The following ATP8A2 variants were observed in gnomAD, a reference collection of about 807,000 sequenced individuals.
ATP8A2 encodes phospholipid-transporting ATPase IB.
In ATP8A2, 100 loss-of-function variants were observed where a neutral mutation model predicts 165.6. The observed-to-expected ratio is 0.60, with a 90% CI of 0.51 to 0.71. The LOEUF (loss-of-function observed/expected upper bound fraction) is 0.71. Among genes scored for constraint, ATP8A2 ranks in the 30% least tolerant of loss-of-function variants. ATP8A2 has a pLI of 0.00. For synonymous variants in ATP8A2, 543 were observed against 548.8 expected, an observed-to-expected ratio of 0.99 and a Z score of 0.15; for missense variants, 1,227 against 1,479.5, an observed-to-expected ratio of 0.83 and a Z score of 2.80.
intron 2 of ATP8A2, among the ~76,000 whole-genome samples, chr13:25,526,497 C>A (rs1483871413): frequency 1.3e-5 from 2 of 152,114 alleles, no homozygotes; most frequent in Non-Finnish European, 2.9e-5. Flanking sequence ...CTTTCTTTTC[C>A]CATTAGGTCA....
intron 33 of ATP8A2, among the ~76,000 whole-genome samples, chr13:25,952,569 T>G (rs191862285): frequency 1.1e-3 from 163 of 152,128 alleles, no homozygotes; most frequent in Non-Finnish European, 1.8e-3. Flanking sequence ...AGAAACAGGG[T>G]CTCACGATGT....
intron 24 of ATP8A2, among the ~76,000 whole-genome samples, chr13:25,614,497 C>T (rs1371837807): frequency 1.3e-5 from 2 of 152,094 alleles, no homozygotes; most frequent in Non-Finnish European, 2.9e-5. Flanking sequence ...AAGCAACCTT[C>T]TGAAGGTTGA....
At chr13:25,480,867 T>C (rs1475465966) in intron 2 of ATP8A2, among the ~76,000 whole-genome samples, 4 of 151,226 alleles carry the variant, frequency 2.6e-5, no homozygotes, top group Non-Finnish European at 5.9e-5. Flanking sequence ...CTGGGCACCA[T>C]TGAGCACTGA....
Position 26,012,569 on chromosome 13 carries a change from G to C in ATP8A2, c.3416G>C (p.Arg1139Pro). 6.5e-7 allele frequency: 1 copy of C among 1,532,370 alleles called. No individual in the cohort carries two copies. Among genetic ancestry groups the C allele is most frequent in the East Asian group, 2.6e-5 (1 of 38,998 alleles). 94.9% of individuals were successfully genotyped at this position (1,532,370 alleles called of 1,614,324 possible). The change falls in exon 36 of 37, where the codon CGG becomes CCG. Residue 1139 changes from arginine to proline, a missense_variant. Physicochemically the swap from Arg to Pro is moderately radical, Grantham distance 103 (BLOSUM62 -2). This residue lies in a region of ATP8A2 where 260 missense variants were observed against 245.1 expected (regional missense o/e 1.06). Coordinates refer to ENST00000381655, the MANE Select transcript of ATP8A2 (RefSeq NM_016529.6). Reference sequence around the variant, plus strand: ...GACCGCCTGATCAAGAGGCTGGGCCGGAAGACGCCCCCGACGCTGTTCCGG... The same window carrying C: ...GACCGCCTGATCAAGAGGCTGGGCCCGAAGACGCCCCCGACGCTGTTCCGG... ...ERDRLIKRLGRKTPPTLFRGS... is the reference protein window; with the variant it reads ...ERDRLIKRLGPKTPPTLFRGS...
chr13:25,554,047 C>G (rs2038903913), intron 12 of ATP8A2, 127 bp downstream of exon 12: 2 of 1,033,750 alleles, frequency 1.9e-6, no homozygotes, highest in Non-Finnish European at 2.8e-6. Context: ...TTAAACTGGC[C>G]ATACAAAGAA....
Position 25,691,748 on chromosome 13 carries a change from A to C in ATP8A2, c.2212-7425A>C, listed in dbSNP as rs182480789. ...GGACTTTAAATTTAGGGATATTCCT[A>C]GATTGGAAGAAGGCAATATTCAGAG... On this transcript the variant is annotated intron_variant, in intron 24 of 36. Transcript: ENST00000381655. Among the ~76,000 whole-genome samples, 40 of 152,344 alleles carry C rather than the reference A, an allele frequency of 2.6e-4. No individual in the cohort carries two copies. In the East Asian group the frequency reaches 7.5e-3, roughly 29 times the overall value.
At chr13:25,961,749 G>A in intron 34 of ATP8A2, 86 bp downstream of exon 34, 4 of 1,028,410 alleles carry the variant, frequency 3.9e-6, no homozygotes, top group South Asian at 1.4e-5. Flanking sequence ...TACAGGGTAT[G>A]AGAATGACAG....
At chr13:25,889,737 C>A (rs1164245921) in intron 33 of ATP8A2, among the ~76,000 whole-genome samples, 1 of 152,110 alleles carries the variant, frequency 6.6e-6, no homozygotes, top group Non-Finnish European at 1.5e-5. Flanking sequence ...TCCTTCCTAG[C>A]TCCCTTGACT....
intron 1 of ATP8A2, among the ~76,000 whole-genome samples, chr13:25,383,238 G>T (rs2032920516): frequency 6.6e-6 from 1 of 151,592 alleles, no homozygotes; most frequent in East Asian, 1.9e-4. Context: ...TAGAGACGGG[G>T]TTTCACCATG....
At chr13:25,821,264 C>G (rs958761121) in intron 27 of ATP8A2, among the ~76,000 whole-genome samples, 5 of 152,148 alleles carry the variant, frequency 3.3e-5, no homozygotes, top group Non-Finnish European at 7.3e-5. Context: ...TTTTACATGA[C>G]TCAGTATTGC....
At chr13:25,683,013 T>C (rs977603947) in intron 24 of ATP8A2, among the ~76,000 whole-genome samples, 6 of 152,214 alleles carry the variant, frequency 3.9e-5, no homozygotes, top group African/African-American at 1.4e-4. Context: ...GCTTTAATAA[T>C]GTAAAACATA....
intron 24 of ATP8A2, among the ~76,000 whole-genome samples, chr13:25,608,167 C>G (rs1278409081): frequency 6.6e-6 from 1 of 152,156 alleles, no homozygotes; most frequent in African/African-American, 2.4e-5. Flanking sequence ...ATCAACTTGG[C>G]TTTTGGTGAA....
intron 25 of ATP8A2, among the ~76,000 whole-genome samples, chr13:25,742,628 A>G (rs1041107909): frequency 6.7e-6 from 1 of 149,872 alleles, no homozygotes; most frequent in African/African-American, 2.5e-5. Flanking sequence ...GACTTAATTA[A>G]TCCCCCCCAC....
At chr13:25,502,350 G>A (rs1593411696) in intron 2 of ATP8A2, among the ~76,000 whole-genome samples, 1 of 152,196 alleles carries the variant, frequency 6.6e-6, no homozygotes, top group African/African-American at 2.4e-5. Context: ...TCCTCATTGA[G>A]CCTCATTATA....
chr13:25,426,900 C>T (rs2034464598), intron 1 of ATP8A2, among the ~76,000 whole-genome samples: 2 of 152,122 alleles, frequency 1.3e-5, no homozygotes, highest in Non-Finnish European at 2.9e-5. Flanking sequence ...GAGCTGAGAT[C>T]ACTCCACTGC....
At chr13:25,610,273 T>C (rs1047680438) in intron 24 of ATP8A2, among the ~76,000 whole-genome samples, 2 of 152,200 alleles carry the variant, frequency 1.3e-5, no homozygotes, top group Non-Finnish European at 2.9e-5. Context: ...CTTTGATCCA[T>C]CTTGAGTTGA....
intron 36 of ATP8A2, among the ~76,000 whole-genome samples, chr13:26,016,599 T>C (rs961819665): frequency 6.6e-6 from 1 of 152,208 alleles, no homozygotes; most frequent in African/African-American, 2.4e-5. Flanking sequence ...AAGGCTAAGA[T>C]ACCTTTCCCG....
At chr13:25,551,121 G>T (rs1407047496) in intron 10 of ATP8A2, among the ~76,000 whole-genome samples, 1 of 152,172 alleles carries the variant, frequency 6.6e-6, no homozygotes, top group South Asian at 2.1e-4. Flanking sequence ...GTTGGAATGT[G>T]TTCTTTAAAC....
chr13:25,665,584 C>T (rs1241602093), intron 24 of ATP8A2, among the ~76,000 whole-genome samples: 1 of 125,056 alleles, frequency 8.0e-6, no homozygotes, highest in Non-Finnish European at 1.5e-5. Flanking sequence ...GGATATGGGA[C>T]TTGTTGTGCC....
Sources: allele counts gnomAD v4.1 joint callset (sites outside exome capture counted in the v4.1 genomes callset), GRCh38; gene constraint gnomAD v4.1.1; regional missense constraint gnomAD v4.1.1; transcripts MANE v1.5; gene names NCBI Gene and HGNC (gene_info 2026-07-23, HGNC 2026-07-21).